The following HECW1 variants were observed in gnomAD, a reference collection of about 807,000 sequenced individuals.
HECW1 encodes the protein E3 ubiquitin-protein ligase HECW1.
Under a neutral mutation model 182.3 loss-of-function variants are expected in HECW1, and 61 were observed. That is an observed-to-expected ratio of 0.33 (90% confidence interval 0.27 to 0.41). The LOEUF is 0.41. Among genes scored for constraint, HECW1 ranks in the 10% least tolerant of loss-of-function variants. The pLI is 1.00. For synonymous variants in HECW1, 859 were observed against 832.6 expected (o/e 1.03, Z -0.55); for missense variants, 1,739 against 2,108.9 (o/e 0.82, Z 3.44).
chr7:43,301,279 C>A (rs1298725907), intron 3 of HECW1, among the ~76,000 whole-genome samples: 13 of 152,220 alleles, frequency 8.5e-5, no homozygotes, highest in Non-Finnish European at 1.9e-4. Context: ...CGAGAAGTTC[C>A]TTCTGCTTAG....
intron 21 of HECW1, among the ~76,000 whole-genome samples, chr7:43,505,730 T>G (rs914941724): frequency 6.6e-6 from 1 of 152,222 alleles, no homozygotes; most frequent in African/African-American, 2.4e-5. Context: ...TCTTGACCCA[T>G]GCAATCTAAT....
chr7:43,409,267 C>T (rs1357354295), intron 8 of HECW1, among the ~76,000 whole-genome samples: 5 of 152,156 alleles, frequency 3.3e-5, no homozygotes, highest in Admixed American at 1.3e-4. Context: ...CTGATAGCAC[C>T]GCTAGAATGG....
At chr7:43,557,047 T>TG (rs530233176) in intron 29 of HECW1, among the ~76,000 whole-genome samples, 173 of 151,776 alleles carry the variant, frequency 1.1e-3, no homozygotes, top group African/African-American at 3.8e-3. Context: ...TAGTGACCCC[T>TG]GTCCAATCTC....
chr7:43,271,519 A>G (rs1802406610), intron 3 of HECW1, among the ~76,000 whole-genome samples: 2 of 152,232 alleles, frequency 1.3e-5, no homozygotes, highest in South Asian at 4.1e-4. Flanking sequence ...GTTGTAGGGT[A>G]CAAAATCAAT....
At chr7:43,545,234 C>T (rs893060197) in intron 26 of HECW1, among the ~76,000 whole-genome samples, 1 of 152,186 alleles carries the variant, frequency 6.6e-6, no homozygotes, top group Non-Finnish European at 1.5e-5. Context: ...ACTGACTTTT[C>T]ATTTTATGGC....
At chr7:43,233,355 T>C (rs1160090661) in intron 2 of HECW1, among the ~76,000 whole-genome samples, 2 of 152,186 alleles carry the variant, frequency 1.3e-5, no homozygotes, top group African/African-American at 4.8e-5. Context: ...GTCGCATATA[T>C]CCAAGTCAGT....
chr7:43,208,381 G>A (rs917049456), intron 2 of HECW1, among the ~76,000 whole-genome samples: 5 of 152,112 alleles, frequency 3.3e-5, no homozygotes, highest in Non-Finnish European at 5.9e-5. Context: ...CCTTTACCTC[G>A]AAACAATGAA....
chr7:43,543,781 C>CAAA (rs35618213), intron 26 of HECW1, among the ~76,000 whole-genome samples: 3 of 49,584 alleles, frequency 6.1e-5, no homozygotes, highest in East Asian at 5.7e-4. Context: ...CTCCATCTCA[C>CAAA]AAAAAAAAAA....
intron 8 of HECW1, among the ~76,000 whole-genome samples, chr7:43,428,243 G>C (rs1330312137): frequency 1.3e-5 from 2 of 152,346 alleles, no homozygotes; most frequent in East Asian, 3.9e-4. Context: ...ACTGGTGTGA[G>C]TTGGGCTTTG....
At chr7:43,503,583 T>C (rs1169165626) in intron 21 of HECW1, among the ~76,000 whole-genome samples, 1 of 152,236 alleles carries the variant, frequency 6.6e-6, no homozygotes, top group Non-Finnish European at 1.5e-5. Context: ...ATCTAAGTAA[T>C]CATCCAATTC....
At chr7:43,368,372 T>C (rs146465584) in intron 6 of HECW1, among the ~76,000 whole-genome samples, 1 of 152,344 alleles carries the variant, frequency 6.6e-6, no homozygotes, top group Non-Finnish European at 1.5e-5. Flanking sequence ...CTTTTATTTC[T>C]TGTAAGCAAA....
chr7:43,419,304 C>T (rs1226464153), intron 8 of HECW1, among the ~76,000 whole-genome samples: 5 of 152,140 alleles, frequency 3.3e-5, no homozygotes, highest in East Asian at 1.9e-4. Context: ...ATTCCATGCC[C>T]GTCTCTTGTT....
intron 26 of HECW1, among the ~76,000 whole-genome samples, chr7:43,548,628 GC>G (rs1463167494): frequency 6.6e-6 from 1 of 152,178 alleles, no homozygotes; most frequent in Non-Finnish European, 1.5e-5. Context: ...ATTAATAGAA[GC>G]TTTTTTTTTC....
At chr7:43,347,430 C>A (rs1462644845) in intron 5 of HECW1, among the ~76,000 whole-genome samples, 1 of 151,974 alleles carries the variant, frequency 6.6e-6, no homozygotes, top group African/African-American at 2.4e-5. Flanking sequence ...CTGGAGGAGT[C>A]CTTAGGGTTT....
At chr7:43,386,039 G>GT (rs968160915) in intron 6 of HECW1, among the ~76,000 whole-genome samples, 6 of 152,190 alleles carry the variant, frequency 3.9e-5, no homozygotes, top group Admixed American at 3.9e-4. Flanking sequence ...CCTGTTTCCT[G>GT]TTTCCTTGCT....
chr7:43,460,374 G>A (rs975807907), intron 13 of HECW1, among the ~76,000 whole-genome samples: 2 of 152,164 alleles, frequency 1.3e-5, no homozygotes, highest in African/African-American at 2.4e-5. Flanking sequence ...GGGTCAACTT[G>A]TTTTCCATAA....
At chr7:43,371,597 A>C (rs1173507403) in intron 6 of HECW1, among the ~76,000 whole-genome samples, 1 of 152,182 alleles carries the variant, frequency 6.6e-6, no homozygotes, top group Admixed American at 6.5e-5. Context: ...AAGGCAGTTT[A>C]GCAAAATTTA....
intron 2 of HECW1, among the ~76,000 whole-genome samples, chr7:43,213,768 T>G (rs1451838070): frequency 6.6e-6 from 1 of 152,124 alleles, no homozygotes; most frequent in Non-Finnish European, 1.5e-5. Context: ...AAAATTAAAT[T>G]TAAATCTTTA....
chr7:43,397,567 G>T (rs2075271675), intron 7 of HECW1, among the ~76,000 whole-genome samples: 2 of 152,264 alleles, frequency 1.3e-5, no homozygotes, highest in South Asian at 4.1e-4. Context: ...GATAGGAGGT[G>T]GAGTTAGGAG....
Sources: gnomAD v4.1 joint callset for allele counts (sites outside exome capture counted in the v4.1 genomes callset) on GRCh38, gnomAD v4.1.1 for gene constraint, MANE v1.5 for transcripts, NCBI Gene and HGNC (gene_info 2026-07-23, HGNC 2026-07-21) for gene names.